LMBR1: variants seen among roughly 807,000 people sequenced by gnomAD.
LMBR1 encodes the protein limb development membrane protein 1.
A neutral mutation model predicts 73.9 loss-of-function variants in LMBR1; 52 were observed. That is an observed-to-expected ratio of 0.70 (90% CI 0.56 to 0.89). The LOEUF (loss-of-function observed/expected upper bound fraction) is 0.89. LMBR1 is among the 40% of genes least tolerant of loss of function. LMBR1 has a pLI of 0.00. For missense variants in LMBR1, 539 were observed against 579.8 expected (o/e 0.93, Z 0.72); for synonymous variants, 215 against 209.4 (o/e 1.03, Z -0.23).
At position 156,893,151 on chromosome 7, in the gene LMBR1, C is replaced by G. The variant is rs886062123; in HGVS notation, c.-158G>C. ...GTACCGCGACCACGACACCGGCCGTCGCCTCAGCAGCCTCAGACGAGCAGC... is the reference window on the plus strand; with the variant it reads ...GTACCGCGACCACGACACCGGCCGTGGCCTCAGCAGCCTCAGACGAGCAGC... On this transcript the variant is annotated 5_prime_UTR_variant, in exon 1 of 17. Coordinates refer to ENST00000353442, the MANE Select transcript of LMBR1 (RefSeq NM_022458.4). The G allele has an allele frequency of 1.6e-6, 1 of 613,966 alleles. No individual in the cohort carries two copies. The highest frequency in any genetic ancestry group is 4.3e-5 in the South Asian group (1 of 23,208). 38.0% of individuals were successfully genotyped at this position (613,966 alleles called of 1,614,324 possible). A position where few individuals can be genotyped will look rare whatever the true frequency, so the allele number is the denominator to read the frequency against.
chr7:156,687,332 C>T (rs994723983), intron 16 of LMBR1, among the ~76,000 whole-genome samples: 1 of 152,042 alleles, frequency 6.6e-6, no homozygotes, highest in Non-Finnish European at 1.5e-5. Context: ...AATTACAACC[C>T]CCTCCCACCC....
At chr7:156,692,088 T>A (rs567673013) in intron 15 of LMBR1, among the ~76,000 whole-genome samples, 24 of 152,210 alleles carry the variant, frequency 1.6e-4, no homozygotes, top group Non-Finnish European at 3.2e-4. Flanking sequence ...TTACCTTTTT[T>A]TTTTGAGATG....
At chr7:156,892,833 G>T (rs1423936292) in intron 1 of LMBR1, 95 bp downstream of exon 1, 3 of 802,934 alleles carry the variant, frequency 3.7e-6, no homozygotes, top group Non-Finnish European at 5.0e-6. Flanking sequence ...GCGAGGCCCG[G>T]AGGTGAGGGG....
intron 15 of LMBR1, among the ~76,000 whole-genome samples, chr7:156,721,331 C>T (rs924902897): frequency 3.6e-4 from 54 of 152,074 alleles, no homozygotes; most frequent in African/African-American, 1.3e-3. Flanking sequence ...AAATCAACGT[C>T]TTAATTGTTT....
chr7:156,689,624 A>G (rs1462460523), intron 15 of LMBR1, among the ~76,000 whole-genome samples: 2 of 152,230 alleles, frequency 1.3e-5, no homozygotes, highest in Non-Finnish European at 2.9e-5. Flanking sequence ...GTTTGAAATT[A>G]AAAGACAGTA....
intron 4 of LMBR1, among the ~76,000 whole-genome samples, chr7:156,811,733 G>C (rs969876991): frequency 2.0e-5 from 3 of 152,202 alleles, no homozygotes; most frequent in African/African-American, 7.2e-5. Context: ...TGAGTATGTT[G>C]CATGGTGTAC....
chr7:156,834,945 T>C (rs1248079810), intron 2 of LMBR1, among the ~76,000 whole-genome samples: 1 of 151,724 alleles, frequency 6.6e-6, no homozygotes, highest in African/African-American at 2.4e-5. Flanking sequence ...ATCAAGACCA[T>C]CCTGGCCAAC....
intron 15 of LMBR1, among the ~76,000 whole-genome samples, chr7:156,711,021 A>G (rs1811967697): frequency 1.3e-5 from 2 of 152,242 alleles, no homozygotes; most frequent in African/African-American, 2.4e-5. Context: ...TAAATAAAAT[A>G]AACTACAGGC....
At chr7:156,697,592 A>C (rs1175608522) in intron 15 of LMBR1, among the ~76,000 whole-genome samples, 1 of 152,210 alleles carries the variant, frequency 6.6e-6, no homozygotes, top group African/African-American at 2.4e-5. Flanking sequence ...CTTTCTAGGA[A>C]ATGAATTTAG....
chr7:156,725,846 G>A lies in LMBR1; in HGVS notation c.994-9C>T. The A allele has an allele frequency of 1.2e-6, 2 of 1,609,278 alleles. No homozygotes were observed. The highest frequency in any genetic ancestry group is 1.3e-5 in the African/African-American group (1 of 74,710). On this transcript the variant is annotated splice_polypyrimidine_tract_variant and intron_variant, in intron 12 of 16. Transcript: ENST00000353442. ...TTTCCTATTCCAGGCCCCTGGGGTGGGAGAAAGACACTTTTCAGAATTTGA... is the reference window on the plus strand; with the variant it reads ...TTTCCTATTCCAGGCCCCTGGGGTGAGAGAAAGACACTTTTCAGAATTTGA...
Position 156,797,025 on chromosome 7 carries a change from T to C in LMBR1, c.320-533A>G, listed in dbSNP as rs564463194. On this transcript the variant is annotated intron_variant, in intron 4 of 16. Coordinates refer to ENST00000353442, the MANE Select transcript of LMBR1 (RefSeq NM_022458.4). ...AATCCCATGAGGCAGGTAGCATTAC[T>C]GCCCCAAGATGACAGAAGAGGAGCA... is the stretch of plus-strand genomic sequence containing the variant. Among the ~76,000 whole-genome samples the C allele has an allele frequency of 3.8e-4, 58 of 152,342 alleles. No homozygotes were observed. The South Asian group carries it at 0.012, about 32-fold the overall frequency.
chr7:156,739,858 C>T (rs1256406983), intron 9 of LMBR1, among the ~76,000 whole-genome samples: 1 of 152,026 alleles, frequency 6.6e-6, no homozygotes. Flanking sequence ...TATCCACAAG[C>T]GTCAAGACCA....
chr7:156,818,054 T>C (rs1027205061), intron 4 of LMBR1, among the ~76,000 whole-genome samples: 6 of 152,222 alleles, frequency 3.9e-5, no homozygotes, highest in African/African-American at 1.2e-4. Flanking sequence ...ACTGAACTAC[T>C]GAGCCCAAAT....
At position 156,726,024 on chromosome 7, in the gene LMBR1, T is replaced by C. The variant is rs1418384190; in HGVS notation, c.994-187A>G. On this transcript the variant is annotated intron_variant, in intron 12 of 16. Coordinates refer to ENST00000353442, the MANE Select transcript of LMBR1 (RefSeq NM_022458.4). Reference sequence around the variant, plus strand: ...ATTTCATCAACAAATTCAGGCACCATGTTAACAATTTTAATAAGCTCAAGA... The same window carrying C: ...ATTTCATCAACAAATTCAGGCACCACGTTAACAATTTTAATAAGCTCAAGA... 1.4e-5 allele frequency: 6 copies of C among 442,780 alleles called. No individual in the cohort carries two copies. In the Admixed American group the frequency reaches 2.1e-4, roughly 16 times the overall value. The allele number at this position is 442,780 out of a possible 1,614,324, so 27.4% of individuals were successfully genotyped here. A position where few individuals can be genotyped will look rare whatever the true frequency, so the allele number is the denominator to read the frequency against.
intron 4 of LMBR1, among the ~76,000 whole-genome samples, chr7:156,805,622 T>C (rs965004127): frequency 4.6e-5 from 7 of 152,226 alleles, no homozygotes; most frequent in African/African-American, 1.7e-4. Context: ...TCTAAGTCCA[T>C]AGAATTTGCA....
At chr7:156,872,538 T>G (rs751627199) in intron 1 of LMBR1, among the ~76,000 whole-genome samples, 4 of 151,738 alleles carry the variant, frequency 2.6e-5, no homozygotes, top group African/African-American at 9.7e-5. Flanking sequence ...TCCCAGCTAC[T>G]TGGGAGGCTG....
At chr7:156,817,035 T>C (rs1473587913) in intron 4 of LMBR1, among the ~76,000 whole-genome samples, 1 of 152,112 alleles carries the variant, frequency 6.6e-6, no homozygotes, top group Non-Finnish European at 1.5e-5. Context: ...GAAACCTATT[T>C]GAAAGATATC....
At position 156,761,976 on chromosome 7, in the gene LMBR1, C is replaced by CAAAAAAAAAAAAAAA. The variant is rs552712592; in HGVS notation, c.684+143_684+157dup. On this transcript the variant is annotated intron_variant, in intron 8 of 16. Transcript: ENST00000353442. ...TGGGCGACAGAGCAAGACTCTGTCT[C>CAAAAAAAAAAAAAAA]AAAAAAAAAAAAAAAACTTAATAAA... is the stretch of plus-strand genomic sequence containing the variant. 0.012 allele frequency among the ~76,000 whole-genome samples: 1,203 copies of CAAAAAAAAAAAAAAA among 103,488 alleles called. 37 individuals are homozygous for CAAAAAAAAAAAAAAA. Among genetic ancestry groups the CAAAAAAAAAAAAAAA allele is most frequent in the African/African-American group, 0.038 (927 of 24,592 alleles). The allele number at this position is 103,488 out of a possible 152,430, so 67.9% of individuals were successfully genotyped here.
intron 15 of LMBR1, among the ~76,000 whole-genome samples, chr7:156,709,040 C>A (rs895949684): frequency 6.6e-6 from 1 of 152,160 alleles, no homozygotes; most frequent in Admixed American, 6.5e-5. Context: ...AGAACCCAGA[C>A]CCACCTGACC....
Sources: gnomAD v4.1 joint callset for allele counts (sites outside exome capture counted in the v4.1 genomes callset) on GRCh38, gnomAD v4.1.1 for gene constraint, MANE v1.5 for transcripts, NCBI Gene and HGNC (gene_info 2026-07-23, HGNC 2026-07-21) for gene names.